GFRA1: variants seen among roughly 807,000 people sequenced by gnomAD.
GFRA1 encodes the protein GDNF family receptor alpha 1, also known as GDNF family receptor alpha-1.
GFRA1 carries 16 observed loss-of-function variants against 51.6 expected under a neutral mutation model. That is an observed-to-expected ratio of 0.31 (90% CI 0.21 to 0.47). The LOEUF (loss-of-function observed/expected upper bound fraction) is 0.47, where lower values mean the gene tolerates loss of function less well. GFRA1 is among the 20% of genes least tolerant of loss of function. The pLI is 1.00. For synonymous variants in GFRA1, 270 were observed against 241.3 expected, an observed-to-expected ratio of 1.12 and a Z score of -1.10; for missense variants, 530 against 594.3, an observed-to-expected ratio of 0.89 and a Z score of 1.13.
At position 116,272,472 on chromosome 10, in the gene GFRA1, G is replaced by A. The variant is rs1008072103; in HGVS notation, c.-246-197C>T. 3 of 239,934 alleles carry A rather than the reference G, an allele frequency of 1.3e-5. No individual in the cohort carries two copies. The highest frequency in any genetic ancestry group is 2.5e-5 in the Non-Finnish European group (3 of 120,842). The allele number at this position is 239,934 out of a possible 1,614,324, so 14.9% of individuals were successfully genotyped here. A position where few individuals can be genotyped will look rare whatever the true frequency, so the allele number is the denominator to read the frequency against. On this transcript the variant is annotated intron_variant, in intron 1 of 10. Transcript: ENST00000355422. The surrounding 1 kb of genome is among the most constrained non-coding windows in gnomAD (Gnocchi z 4.4). ...GGGGATGGAGGTGAGGGCTGGAGAG[G>A]TCTGAAGAGGGTTCCTAAAGTCCAA...
chr10:116,150,870 A>T (rs1589827135), intron 5 of GFRA1, among the ~76,000 whole-genome samples: 1 of 152,222 alleles, frequency 6.6e-6, no homozygotes, highest in South Asian at 2.1e-4. Flanking sequence ...GATGATTCAG[A>T]TGTTAGTTCT....
At chr10:116,068,483 C>T (rs1272614723) in intron 9 of GFRA1, among the ~76,000 whole-genome samples, 1 of 152,144 alleles carries the variant, frequency 6.6e-6, no homozygotes, top group Non-Finnish European at 1.5e-5. Flanking sequence ...GGGTCAACAA[C>T]AGACATCATC....
chr10:116,070,333 C>T (rs1378650640), intron 9 of GFRA1, among the ~76,000 whole-genome samples: 1 of 152,190 alleles, frequency 6.6e-6, no homozygotes, highest in Non-Finnish European at 1.5e-5. Flanking sequence ...CTTGTCAATA[C>T]CCGTTTATTA....
intron 6 of GFRA1, among the ~76,000 whole-genome samples, chr10:116,110,130 A>G (rs1589796546): frequency 6.6e-6 from 1 of 152,234 alleles, no homozygotes; most frequent in East Asian, 1.9e-4. Context: ...TCAAGTGCAG[A>G]GGAATCAGGC....
intron 6 of GFRA1, among the ~76,000 whole-genome samples, chr10:116,105,290 G>T (rs1217555258): frequency 6.6e-6 from 1 of 152,092 alleles, no homozygotes; most frequent in Non-Finnish European, 1.5e-5. Flanking sequence ...CAGTTTTGTG[G>T]CTTTTGGCCA....
At chr10:116,237,325 G>A (rs1366817961) in intron 4 of GFRA1, among the ~76,000 whole-genome samples, 1 of 152,108 alleles carries the variant, frequency 6.6e-6, no homozygotes, top group African/African-American at 2.4e-5. Context: ...CACACCTCTT[G>A]ATGATGAACA....
chr10:116,118,784 A>G (rs1243635002), intron 6 of GFRA1, among the ~76,000 whole-genome samples: 1 of 152,190 alleles, frequency 6.6e-6, no homozygotes, highest in African/African-American at 2.4e-5. Context: ...TCTCTGAGCC[A>G]AGAGTGGAAA....
intron 4 of GFRA1, among the ~76,000 whole-genome samples, chr10:116,220,440 T>C (rs560154527): frequency 2.6e-5 from 4 of 152,356 alleles, no homozygotes; most frequent in African/African-American, 9.6e-5. Flanking sequence ...AAATTCAAAC[T>C]GGATGTTTAC....
At chr10:116,081,607 A>AC (rs1239421800) in intron 9 of GFRA1, among the ~76,000 whole-genome samples, 1 of 152,062 alleles carries the variant, frequency 6.6e-6, no homozygotes, top group East Asian at 1.9e-4. Flanking sequence ...AACAGTACTG[A>AC]CCTTCTGAGG....
At chr10:116,120,291 A>G (rs1957589553) in intron 6 of GFRA1, among the ~76,000 whole-genome samples, 1 of 152,218 alleles carries the variant, frequency 6.6e-6, no homozygotes, top group Non-Finnish European at 1.5e-5. Flanking sequence ...ACTGTTGGCA[A>G]AGAGGAATGC....
intron 5 of GFRA1, among the ~76,000 whole-genome samples, chr10:116,150,032 C>CCACT (rs1286758244): frequency 3.3e-5 from 5 of 152,140 alleles, no homozygotes; most frequent in African/African-American, 9.7e-5. Flanking sequence ...TACCAACTCA[C>CCACT]CACTCTTCAT....
rs71010072 is a variant in GFRA1 at position 116,212,523 on chromosome 10, A to AACACACACAC, written c.419-888_419-879dup. 2.4e-3 allele frequency among the ~76,000 whole-genome samples: 341 copies of AACACACACAC among 142,700 alleles called. 2 individuals carry two copies. The highest frequency in any genetic ancestry group is 3.6e-3 in the Middle Eastern group (1 of 280). The allele number at this position is 142,700 out of a possible 152,430, so 93.6% of individuals were successfully genotyped here. ...CAACAAGAGCAAAATTCCGTCTCAAAACACACACACACACACACACACACA... is the reference window on the plus strand; with the variant it reads ...CAACAAGAGCAAAATTCCGTCTCAAAACACACACACACACACACACACACACACACACACA... On this transcript the variant is annotated intron_variant, in intron 4 of 10. Transcript: ENST00000355422.
chr10:116,117,924 C>T (rs2133993731), intron 6 of GFRA1, among the ~76,000 whole-genome samples: 1 of 152,168 alleles, frequency 6.6e-6, no homozygotes, highest in African/African-American at 2.4e-5. Flanking sequence ...TTTTCAAGGC[C>T]CTTTGCTGGG....
intron 6 of GFRA1, among the ~76,000 whole-genome samples, chr10:116,112,929 G>A (rs543570797): frequency 3.3e-5 from 5 of 152,310 alleles, no homozygotes; most frequent in Admixed American, 1.3e-4. Flanking sequence ...TTGGTTCAAC[G>A]AGACCTCAGG....
rs941834516 is a variant in GFRA1, at chr10:116,270,761, C to A, written c.334+61G>T. On this transcript the variant is annotated intron_variant, in intron 3 of 10. Transcript: ENST00000355422. ...AGGATGAGATCAGCTGGCCCAGGGA[C>A]GAAAGGCCCGCCTGCCTTCGGGGAG... The A allele has an allele frequency of 2.0e-4, 287 of 1,443,224 alleles. 2 individuals are homozygous for A. The highest frequency in any genetic ancestry group is 2.5e-4 in the Non-Finnish European group (265 of 1,041,622). The allele number at this position is 1,443,224 out of a possible 1,614,324, so 89.4% of individuals were successfully genotyped here.
At chr10:116,119,835 A>G (rs974170993) in intron 6 of GFRA1, among the ~76,000 whole-genome samples, 4 of 152,270 alleles carry the variant, frequency 2.6e-5, no homozygotes, top group African/African-American at 9.6e-5. Context: ...AATTCGCTGC[A>G]TGGTTTTATG....
chr10:116,087,586 A>C (rs1441082022), intron 9 of GFRA1, among the ~76,000 whole-genome samples: 1 of 152,154 alleles, frequency 6.6e-6, no homozygotes, highest in Non-Finnish European at 1.5e-5. Context: ...TGCAGAAAAG[A>C]AGCTGGTTTT....
chr10:116,187,829 A>G (rs1962873435), intron 5 of GFRA1, among the ~76,000 whole-genome samples: 1 of 152,132 alleles, frequency 6.6e-6, no homozygotes, highest in Non-Finnish European at 1.5e-5. Context: ...CTAGTAAAAA[A>G]GGCAGCAGTA....
chr10:116,128,853 ATATTTT>A (rs1394398700), intron 5 of GFRA1, among the ~76,000 whole-genome samples: 6 of 130,982 alleles, frequency 4.6e-5, no homozygotes, highest in Non-Finnish European at 1.1e-4. Flanking sequence ...TAGAAAAGCA[ATATTTT>A]TTTTAAAAAG....
Sources: allele counts gnomAD v4.1 joint callset (sites outside exome capture counted in the v4.1 genomes callset), GRCh38; gene constraint gnomAD v4.1.1; non-coding constraint Gnocchi (gnomAD v3.1); transcripts MANE v1.5; gene names NCBI Gene and HGNC (gene_info 2026-07-23, HGNC 2026-07-21).